Variants in MTCL1 observed in about 807,000 individuals in gnomAD.
The protein encoded by MTCL1 is microtubule crosslinking factor 1, also known as microtubule cross-linking factor 1.
MTCL1 carries 79 observed loss-of-function variants against 141.4 expected under a neutral mutation model. The observed-to-expected ratio is 0.56, with a 90% CI of 0.47 to 0.67. MTCL1 has a LOEUF of 0.67. Among genes scored for constraint, MTCL1 ranks in the 30% least tolerant of loss-of-function variants. The pLI is 0.00. For synonymous variants in MTCL1, 914 were observed against 875.8 expected (o/e 1.04, Z -0.77); for missense variants, 2,177 against 2,113.9 (o/e 1.03, Z -0.59).
intron 4 of MTCL1, among the ~76,000 whole-genome samples, chr18:8,736,853 G>T (rs1342893984): frequency 1.3e-5 from 2 of 152,000 alleles, no homozygotes; most frequent in African/African-American, 4.8e-5. Flanking sequence ...TGTTAGCCAG[G>T]ATGGTCTCGA....
In MTCL1 at chr18:8,718,667, C is replaced by T. The variant is rs749752793; in HGVS notation, c.198+19C>T. On this transcript the variant is annotated intron_variant, in intron 3 of 16. Coordinates refer to ENST00000359865, the Ensembl canonical transcript of MTCL1. ...CTTGAAGGTGAGTGAGGGGGTGGTGCGTGCACCTCGCAAGGCTGCTGTGGA... is the reference window on the plus strand; with the variant it reads ...CTTGAAGGTGAGTGAGGGGGTGGTGTGTGCACCTCGCAAGGCTGCTGTGGA... 1.3e-5 allele frequency: 21 copies of T among 1,609,304 alleles called. No individual in the cohort carries two copies. Among genetic ancestry groups the T allele is most frequent in the Admixed American group, 1.0e-4 (6 of 59,996 alleles).
At chr18:8,820,069 G>A (rs907922589) in intron 13 of MTCL1, among the ~76,000 whole-genome samples, 7 of 152,094 alleles carry the variant, frequency 4.6e-5, no homozygotes, top group Non-Finnish European at 1.0e-4. Context: ...ATGGCACAGC[G>A]TTAGTTATGT....
intron 4 of MTCL1, among the ~76,000 whole-genome samples, chr18:8,777,592 A>G (rs1301056034): frequency 6.6e-6 from 1 of 152,208 alleles, no homozygotes. Flanking sequence ...CCCAAATACA[A>G]TAATTAGGAT....
intron 4 of MTCL1, among the ~76,000 whole-genome samples, chr18:8,729,415 T>G (rs192284211): frequency 6.6e-6 from 1 of 151,898 alleles, no homozygotes; most frequent in Non-Finnish European, 1.5e-5. Context: ...TAATTAAAAT[T>G]TTTTTAGAGA....
chr18:8,823,970 T>A (rs2076929888), intron 14 of MTCL1, among the ~76,000 whole-genome samples: 1 of 152,160 alleles, frequency 6.6e-6, no homozygotes, highest in Non-Finnish European at 1.5e-5. Context: ...GAAAGGAGTA[T>A]CAGTATGTCC....
Position 8,721,132 on chromosome 18 carries a change from T to C in MTCL1, c.357+636T>C, listed in dbSNP as rs79203802. 3.6e-3 allele frequency among the ~76,000 whole-genome samples: 552 copies of C among 152,356 alleles called. 12 individuals carry two copies. In the East Asian group the frequency reaches 0.048, roughly 13 times the overall value. On this transcript the variant is annotated intron_variant, in intron 4 of 16. Coordinates refer to ENST00000359865, the Ensembl canonical transcript of MTCL1. The stretch of plus-strand genomic sequence containing the variant: ...CAGCAATGCAAATCCTGTTTTGTTA[T>C]TGACTTCCATTATAAGATTAAAGCT...
At chr18:8,823,583 A>C (rs2076917587) in intron 14 of MTCL1, among the ~76,000 whole-genome samples, 1 of 152,240 alleles carries the variant, frequency 6.6e-6, no homozygotes, top group South Asian at 2.1e-4. Context: ...CCTTTCCGGC[A>C]CTGGATATAG....
intron 4 of MTCL1, among the ~76,000 whole-genome samples, chr18:8,728,152 C>T (rs1336691566): frequency 6.6e-6 from 1 of 152,042 alleles, no homozygotes; most frequent in East Asian, 1.9e-4. Context: ...TTTAAAATGA[C>T]CTTTTAAAAA....
chr18:8,755,882 G>A (rs2096395009), intron 4 of MTCL1, among the ~76,000 whole-genome samples: 1 of 152,222 alleles, frequency 6.6e-6, no homozygotes, highest in African/African-American at 2.4e-5. Context: ...GCTCATGCCT[G>A]TAATCCCTGC....
chr18:8,777,235 T>C (rs1568012810), intron 4 of MTCL1, among the ~76,000 whole-genome samples: 1 of 152,084 alleles, frequency 6.6e-6, no homozygotes, highest in East Asian at 1.9e-4. Context: ...TGAGACTCCA[T>C]CTCAAATAAA....
exon 15 of MTCL1, chr18:8,825,113 G>T: frequency 6.3e-7 from 1 of 1,599,718 alleles, no homozygotes; most frequent in Non-Finnish European, 8.5e-7. Context: ...CCGTGCGCAG[G>T]GTCGACAGCA....
rs1488358012 is a variant in MTCL1, at chr18:8,828,933, C to T, written c.4748C>T (p.Pro1583Leu). 6.2e-7 allele frequency: 1 copy of T among 1,614,232 alleles called. No homozygotes were observed. The highest frequency in any genetic ancestry group is 8.5e-7 in the Non-Finnish European group (1 of 1,180,042). The change falls in exon 16 of 17, where the codon CCC becomes CTC. Residue 1583 changes from proline to leucine, a missense_variant. Transcript: ENST00000359865. This position sits in a 1 kb window ranked among gnomAD's most constrained non-coding sequence, Gnocchi z 5.2. Reference sequence around the variant, plus strand: ...AACCAAACTGTCTTGCTAACTGCCCCCTGGGGACTCTAGCCCTGCCCGCCT... The same window carrying T: ...AACCAAACTGTCTTGCTAACTGCCCTCTGGGGACTCTAGCCCTGCCCGCCT...
intron 1 of MTCL1, among the ~76,000 whole-genome samples, chr18:8,710,906 T>C (rs2096086973): frequency 6.9e-6 from 1 of 144,440 alleles, no homozygotes; most frequent in Non-Finnish European, 1.5e-5. Context: ...TTTTTTATTA[T>C]ACTTTAAGTT....
chr18:8,769,346 T>C (rs2096474951), intron 4 of MTCL1, among the ~76,000 whole-genome samples: 1 of 152,226 alleles, frequency 6.6e-6, no homozygotes. Context: ...GTCATCATTA[T>C]GGTTTTGTCA....
chr18:8,754,141 C>T (rs962456616), intron 4 of MTCL1, among the ~76,000 whole-genome samples: 2 of 152,122 alleles, frequency 1.3e-5, no homozygotes, highest in African/African-American at 4.8e-5. Context: ...CACTGTCTTG[C>T]CTCACTGCAA....
At chr18:8,795,567 A>AT in intron 8 of MTCL1, among the ~76,000 whole-genome samples, 1 of 152,344 alleles carries the variant, frequency 6.6e-6, no homozygotes, top group African/African-American at 2.4e-5. Context: ...GAGATGCCAG[A>AT]TATTTCTTTT....
intron 10 of MTCL1, chr18:8,800,911 G>T (rs370042864): frequency 2.7e-5 from 1 of 36,718 alleles, no homozygotes; most frequent in Non-Finnish European, 6.1e-5. Flanking sequence ...AAACAACTAA[G>T]TAAAAAAAAA....
chr18:8,786,110 T>TCCCCCCCCCCCAAC lies in MTCL1; in HGVS notation c.1887+30_1887+31insAACCCCCCCCCCCC. ...CCTGGAGGTCAGCGTGGGCAAGCAA[T>TCCCCCCCCCCCAAC]CCCCCCCCCCCGCCCTCCCCCTCCT... On this transcript the variant is annotated intron_variant, in intron 7 of 16. Coordinates refer to ENST00000359865, the Ensembl canonical transcript of MTCL1. 1 of 1,310,348 alleles carries TCCCCCCCCCCCAAC rather than the reference T, an allele frequency of 7.6e-7. No individual in the cohort carries two copies. The highest frequency in any genetic ancestry group is 1.0e-6 in the Non-Finnish European group (1 of 990,148). The allele number at this position is 1,310,348 out of a possible 1,614,324, so 81.2% of individuals were successfully genotyped here. A position where few individuals can be genotyped will look rare whatever the true frequency, so the allele number is the denominator to read the frequency against.
chr18:8,758,379 T>C (rs559869823), intron 4 of MTCL1, among the ~76,000 whole-genome samples: 4 of 152,340 alleles, frequency 2.6e-5, no homozygotes, highest in South Asian at 2.1e-4. Context: ...AGGAGATCTT[T>C]CCACTCATCT....
Sources: allele counts gnomAD v4.1 joint callset (sites outside exome capture counted in the v4.1 genomes callset), GRCh38; gene constraint gnomAD v4.1.1; non-coding constraint Gnocchi (gnomAD v3.1); transcripts MANE v1.5; gene names NCBI Gene and HGNC (gene_info 2026-07-23, HGNC 2026-07-21).